LARGE1: variants seen among roughly 807,000 people sequenced by gnomAD.
LARGE1 encodes LARGE xylosyl- and glucuronyltransferase 1.
Under a neutral mutation model 87.6 loss-of-function variants are expected in LARGE1, and 43 were observed. The observed-to-expected ratio is 0.49, with a 90% CI of 0.38 to 0.63. The LOEUF (loss-of-function observed/expected upper bound fraction) is 0.63. LARGE1 is among the 30% of genes least tolerant of loss of function. The probability of loss-of-function intolerance (pLI) is 0.00; values close to 1 mark genes in which losing one functional copy is unlikely to be tolerated. For synonymous variants in LARGE1, 434 were observed against 394.6 expected, an observed-to-expected ratio of 1.10 and a Z score of -1.18; for missense variants, 802 against 1,000.2, an observed-to-expected ratio of 0.80 and a Z score of 2.67.
chr22:33,660,311 T>C (rs1386481219), intron 2 of LARGE1, among the ~76,000 whole-genome samples: 3 of 152,146 alleles, frequency 2.0e-5, no homozygotes, highest in Non-Finnish European at 4.4e-5. Context: ...GTGCTCTGTT[T>C]CCTAGAAAAA....
chr22:33,472,392 C>T (rs2068881454), intron 6 of LARGE1, among the ~76,000 whole-genome samples: 2 of 152,072 alleles, frequency 1.3e-5, no homozygotes, highest in Non-Finnish European at 2.9e-5. Flanking sequence ...CTTACTGTTG[C>T]TTACCTCTTT....
chr22:33,516,959 CT>C (rs2071337842), intron 6 of LARGE1, among the ~76,000 whole-genome samples: 1 of 152,148 alleles, frequency 6.6e-6, no homozygotes, highest in Non-Finnish European at 1.5e-5. Context: ...ACATCATTTT[CT>C]TTTTATATGT....
chr22:33,197,692 G>A (rs904607485), intron 11 of LARGE1, among the ~76,000 whole-genome samples: 1 of 152,064 alleles, frequency 6.6e-6, no homozygotes, highest in Non-Finnish European at 1.5e-5. Context: ...TCTCAATTTT[G>A]TAAAGTTGTC....
rs573238982 is a variant in LARGE1, at chr22:33,703,006, C to G, written c.107-52338G>C. Reference sequence around the variant, plus strand: ...TTCCAGGAAGTGCAAACACCAGGTACAAAGACTAGAGTGCATGAGTTCATG... The same window carrying G: ...TTCCAGGAAGTGCAAACACCAGGTAGAAAGACTAGAGTGCATGAGTTCATG... On this transcript the variant is annotated intron_variant, in intron 2 of 14. Coordinates refer to ENST00000397394, the MANE Select transcript of LARGE1 (RefSeq NM_133642.5). Among the ~76,000 whole-genome samples, 6 of 152,256 alleles carry G rather than the reference C, an allele frequency of 3.9e-5. No homozygotes were observed. The East Asian group carries it at 1.2e-3, about 29-fold the overall frequency.
intron 1 of LARGE1, among the ~76,000 whole-genome samples, chr22:33,894,416 G>A (rs1322642059): frequency 1.3e-5 from 2 of 152,136 alleles, no homozygotes; most frequent in African/African-American, 4.8e-5. Context: ...TCACTAGGGT[G>A]GCTACCCCAG....
intron 11 of LARGE1, among the ~76,000 whole-genome samples, chr22:33,168,903 T>C (rs1337262478): frequency 6.6e-6 from 1 of 152,182 alleles, no homozygotes; most frequent in Non-Finnish European, 1.5e-5. Context: ...TGGAGCAGCA[T>C]TGAACATAGT....
At chr22:33,352,601 A>G (rs1482233695) in intron 9 of LARGE1, among the ~76,000 whole-genome samples, 2 of 151,986 alleles carry the variant, frequency 1.3e-5, no homozygotes, top group Non-Finnish European at 2.9e-5. Flanking sequence ...TTAAAAAAAA[A>G]TACAAAAATT....
chr22:33,898,164 A>G (rs1364720958), intron 1 of LARGE1, among the ~76,000 whole-genome samples: 1 of 152,180 alleles, frequency 6.6e-6, no homozygotes, highest in Non-Finnish European at 1.5e-5. Context: ...GCCAGGCTTA[A>G]AAGAGCTCCT....
intron 11 of LARGE1, among the ~76,000 whole-genome samples, chr22:33,225,508 G>T (rs1212147009): frequency 2.6e-5 from 4 of 152,130 alleles, no homozygotes; most frequent in African/African-American, 7.2e-5. Context: ...TTGCTGGAAG[G>T]CCAGGGCATT....
At chr22:33,088,068 A>AC in the LARGE1 span, among the ~76,000 whole-genome samples, 20 of 152,078 alleles carry the variant, frequency 1.3e-4, no homozygotes, top group African/African-American at 3.6e-4. Context: ...ACACACACAC[A>AC]AACACACACA....
intron 6 of LARGE1, among the ~76,000 whole-genome samples, chr22:33,484,803 A>T (rs1194217901): frequency 1.3e-5 from 2 of 151,080 alleles, no homozygotes; most frequent in Non-Finnish European, 2.9e-5. Flanking sequence ...GACCTCTCTT[A>T]CCCATTCTTC....
chr22:33,313,491 T>C (rs1056493527), intron 11 of LARGE1, among the ~76,000 whole-genome samples: 1 of 152,212 alleles, frequency 6.6e-6, no homozygotes, highest in Non-Finnish European at 1.5e-5. Context: ...CTGGCGGACA[T>C]GCCCTGTGTT....
intron 12 of LARGE1, among the ~76,000 whole-genome samples, chr22:33,285,407 C>T (rs529036267): frequency 3.7e-4 from 56 of 152,270 alleles, no homozygotes; most frequent in African/African-American, 1.3e-3. Context: ...AGGCGGATCA[C>T]AAGGTCAGGA....
intron 12 of LARGE1, among the ~76,000 whole-genome samples, chr22:33,290,147 A>G (rs1328114176): frequency 6.6e-6 from 1 of 152,116 alleles, no homozygotes; most frequent in African/African-American, 2.4e-5. Flanking sequence ...GATCTCTTTC[A>G]CATACATACA....
Position 33,283,351 on chromosome 22 carries a change from GA to G in LARGE1, c.1731-4del, listed in dbSNP as rs767129765. On this transcript the variant is annotated splice_region_variant and splice_polypyrimidine_tract_variant and intron_variant, in intron 12 of 14. Coordinates refer to ENST00000397394, the MANE Select transcript of LARGE1 (RefSeq NM_133642.5). ...GATCGAGCTGGATGACAGACTTCCT[GA>G]AAAGAGGGGACAGGCAGAGAGACAG... 3.1e-6 allele frequency: 5 copies of G among 1,614,158 alleles called. No homozygotes were observed. The African/African-American group carries it at 6.7e-5, about 22-fold the overall frequency.
intron 6 of LARGE1, among the ~76,000 whole-genome samples, chr22:33,535,004 A>G (rs1229876586): frequency 2.0e-5 from 3 of 152,224 alleles, no homozygotes; most frequent in Non-Finnish European, 4.4e-5. Context: ...CCCAAGCATC[A>G]TTATCACAAT....
At chr22:33,653,563 T>G (rs1259115491) in intron 2 of LARGE1, among the ~76,000 whole-genome samples, 1 of 152,160 alleles carries the variant, frequency 6.6e-6, no homozygotes, top group Non-Finnish European at 1.5e-5. Context: ...GAGCTTCGAT[T>G]TTTTCTTCTG....
At chr22:33,706,191 A>G (rs1157955680) in intron 2 of LARGE1, among the ~76,000 whole-genome samples, 2 of 152,128 alleles carry the variant, frequency 1.3e-5, no homozygotes, top group Non-Finnish European at 2.9e-5. Context: ...GTTTATTTCA[A>G]CCCCATCAGA....
chr22:33,432,119 A>G, intron 7 of LARGE1, 42 bp downstream of exon 7: 1 of 1,506,898 alleles, frequency 6.6e-7, no homozygotes, highest in Non-Finnish European at 9.2e-7. Context: ...GGGTCCTCAT[A>G]TCACCTTCTG....
Sources: allele counts gnomAD v4.1 joint callset (sites outside exome capture counted in the v4.1 genomes callset), GRCh38; gene constraint gnomAD v4.1.1; transcripts MANE v1.5; gene names NCBI Gene and HGNC (gene_info 2026-07-23, HGNC 2026-07-21).